The following CTNNA3 variants were observed in gnomAD, a reference collection of about 807,000 sequenced individuals.
CTNNA3 encodes catenin alpha 3.
Under a neutral mutation model 95.7 loss-of-function variants are expected in CTNNA3, and 76 were observed. The observed-to-expected ratio is 0.79, with a 90% CI of 0.66 to 0.96. The LOEUF is 0.96. Ranked by LOEUF, CTNNA3 falls within the 40% of genes least tolerant of loss-of-function variation. The probability of loss-of-function intolerance (pLI) is 0.00; values close to 1 mark genes in which losing one functional copy is unlikely to be tolerated. For missense variants in CTNNA3, 1,191 were observed against 1,089.8 expected (o/e 1.09, Z -1.31); for synonymous variants, 431 against 374.4 (o/e 1.15, Z -1.74).
chr10:67,051,406 A>C, intron 7 of CTNNA3, among the ~76,000 whole-genome samples: 1 of 152,236 alleles, frequency 6.6e-6, no homozygotes, highest in South Asian at 2.1e-4. Flanking sequence ...TTAACAGCTA[A>C]TAAGCCAAGA....
intron 11 of CTNNA3, among the ~76,000 whole-genome samples, chr10:66,483,268 G>T (rs974283911): frequency 6.6e-6 from 1 of 152,122 alleles, no homozygotes; most frequent in African/African-American, 2.4e-5. Context: ...TGGAAAACAA[G>T]AATGTTTATT....
At chr10:66,334,596 A>C (rs538935875) in intron 12 of CTNNA3, among the ~76,000 whole-genome samples, 10 of 152,154 alleles carry the variant, frequency 6.6e-5, no homozygotes, top group African/African-American at 2.2e-4. Flanking sequence ...TTCTGCCGAG[A>C]GGTCAGCTGT....
At chr10:67,683,963 G>A (rs1163832067) in intron 1 of CTNNA3, among the ~76,000 whole-genome samples, 3 of 152,202 alleles carry the variant, frequency 2.0e-5, no homozygotes, top group South Asian at 2.1e-4. Context: ...AGCTCATAAA[G>A]GTAATGCGAA....
In CTNNA3 at chr10:67,213,799, T is replaced by C. The variant is rs75342771; in HGVS notation, c.843+5808A>G. Among the ~76,000 whole-genome samples the C allele has an allele frequency of 3.9e-4, 59 of 151,934 alleles. 1 individual carries two copies. The East Asian group carries it at 0.011, about 29-fold the overall frequency. ...TTCTAGGTGGCCTGTATAATACTAG[T>C]GCTTTGAAAATCATGACTCAGTATG... On this transcript the variant is annotated intron_variant, in intron 6 of 17. Coordinates refer to ENST00000433211, the MANE Select transcript of CTNNA3 (RefSeq NM_013266.4).
At chr10:66,817,406 C>G (rs954394451) in intron 7 of CTNNA3, among the ~76,000 whole-genome samples, 2 of 151,774 alleles carry the variant, frequency 1.3e-5, no homozygotes, top group Middle Eastern at 3.2e-3. Context: ...ACAAAATTGA[C>G]AAATTTCTAG....
intron 3 of CTNNA3, among the ~76,000 whole-genome samples, chr10:67,552,876 A>G (rs941262460): frequency 2.0e-5 from 3 of 152,164 alleles, no homozygotes; most frequent in Admixed American, 6.5e-5. Context: ...ATAGTATTCC[A>G]TGATGTATAT....
At chr10:67,232,558 G>A (rs1460221700) in intron 5 of CTNNA3, among the ~76,000 whole-genome samples, 1 of 151,916 alleles carries the variant, frequency 6.6e-6, no homozygotes, top group Admixed American at 6.6e-5. Context: ...GCAAAATCAT[G>A]CCAAAATGTA....
chr10:66,890,490 G>A (rs1845225846), intron 7 of CTNNA3, among the ~76,000 whole-genome samples: 1 of 152,148 alleles, frequency 6.6e-6, no homozygotes, highest in African/African-American at 2.4e-5. Context: ...GTAGGCAATT[G>A]TATTGATACT....
At chr10:66,245,950 C>T (rs550664762) in intron 13 of CTNNA3, among the ~76,000 whole-genome samples, 1 of 152,324 alleles carries the variant, frequency 6.6e-6, no homozygotes, top group South Asian at 2.1e-4. Flanking sequence ...GAAGTGTGCA[C>T]TGATTTGGCT....
chr10:67,696,429 G>A (rs771235023), upstream of CTNNA3, among the ~76,000 whole-genome samples: 4 of 152,172 alleles, frequency 2.6e-5, no homozygotes, highest in African/African-American at 7.2e-5. Flanking sequence ...AGTGAAAAAT[G>A]ATAAAGCAGG....
At chr10:67,722,812 A>G (rs1337389921) in intron 1 of CTNNA3, among the ~76,000 whole-genome samples, 1 of 152,172 alleles carries the variant, frequency 6.6e-6, no homozygotes, top group Non-Finnish European at 1.5e-5. Context: ...CAGATTTCCA[A>G]TATTAAATAT....
At chr10:67,636,982 TC>T (rs1294242305) in intron 2 of CTNNA3, among the ~76,000 whole-genome samples, 1 of 152,198 alleles carries the variant, frequency 6.6e-6, no homozygotes, top group Non-Finnish European at 1.5e-5. Context: ...GGAATGCAGC[TC>T]CTCACTAGCA....
chr10:67,670,749 G>A (rs932286566), intron 1 of CTNNA3, among the ~76,000 whole-genome samples: 3 of 152,232 alleles, frequency 2.0e-5, no homozygotes, highest in African/African-American at 7.2e-5. Context: ...TGTTTTCATA[G>A]TCTATATTCC....
At chr10:67,373,543 A>G (rs1843566817) in intron 5 of CTNNA3, among the ~76,000 whole-genome samples, 1 of 152,116 alleles carries the variant, frequency 6.6e-6, no homozygotes, top group Non-Finnish European at 1.5e-5. Flanking sequence ...TTAACACCCA[A>G]CTGTCAACAT....
intron 13 of CTNNA3, among the ~76,000 whole-genome samples, chr10:66,186,303 TGA>T (rs1554882883): frequency 1.7e-4 from 25 of 149,378 alleles, no homozygotes; most frequent in Non-Finnish European, 2.7e-4. Context: ...TGTGTGTGTG[TGA>T]GAGATAGAGA....
chr10:67,019,369 C>A (rs1004007644), intron 7 of CTNNA3, among the ~76,000 whole-genome samples: 3 of 152,140 alleles, frequency 2.0e-5, no homozygotes, highest in Non-Finnish European at 4.4e-5. Flanking sequence ...CAGGCATGTG[C>A]CACCACGCCA....
chr10:66,651,899 C>A lies in CTNNA3; in HGVS notation c.1282-30115G>T, dbSNP rs117858324. On this transcript the variant is annotated intron_variant, in intron 9 of 17. Transcript: ENST00000433211. ...CCAGAGAGGGGCTCCCACAGTGCAA[C>A]GGCTAAAAGGCTCCTCAAATGGTGG... Among the ~76,000 whole-genome samples, 188 of 152,086 alleles carry A rather than the reference C, an allele frequency of 1.2e-3. 2 individuals are homozygous for A. The East Asian group carries it at 0.035, about 28-fold the overall frequency.
At chr10:66,409,889 C>G (rs1010225780) in intron 11 of CTNNA3, among the ~76,000 whole-genome samples, 34 of 152,154 alleles carry the variant, frequency 2.2e-4, no homozygotes, top group Admixed American at 2.0e-3. Flanking sequence ...TTAGAGTGTT[C>G]TGATACTGCC....
intron 5 of CTNNA3, among the ~76,000 whole-genome samples, chr10:67,430,036 TGAG>T (rs1846057865): frequency 6.6e-6 from 1 of 152,032 alleles, no homozygotes; most frequent in Non-Finnish European, 1.5e-5. Context: ...TTATTTTTGG[TGAG>T]AAGAGTATAT....
Sources: allele counts gnomAD v4.1 joint callset (sites outside exome capture counted in the v4.1 genomes callset), GRCh38; gene constraint gnomAD v4.1.1; transcripts MANE v1.5; gene names NCBI Gene and HGNC (gene_info 2026-07-23, HGNC 2026-07-21).